Variants in DGKB observed in about 807,000 individuals in gnomAD.
DGKB encodes the protein 90 kDa diacylglycerol kinase.
A neutral mutation model predicts 114.3 loss-of-function variants in DGKB; 67 were observed. That is an observed-to-expected ratio of 0.59 (90% confidence interval 0.48 to 0.72). DGKB has a LOEUF of 0.72. DGKB is among the 30% of genes least tolerant of loss of function. DGKB has a pLI of 0.00. For synonymous variants in DGKB, 398 were observed against 323.1 expected (o/e 1.23, Z -2.49); for missense variants, 907 against 975.2 (o/e 0.93, Z 0.93).
intron 1 of DGKB, among the ~76,000 whole-genome samples, chr7:14,861,687 GT>G (rs1562749408): frequency 6.6e-6 from 1 of 151,810 alleles, no homozygotes; most frequent in Non-Finnish European, 1.5e-5. Context: ...GGCCTGGCCT[GT>G]TTTGAACTTT....
chr7:14,816,160 G>A (rs1043440116), intron 2 of DGKB, among the ~76,000 whole-genome samples: 12 of 152,006 alleles, frequency 7.9e-5, no homozygotes, highest in South Asian at 4.2e-4. Flanking sequence ...GTGAAATCCC[G>A]TCTCTACTAA....
chr7:14,286,273 T>C (rs1464700267), intron 23 of DGKB, among the ~76,000 whole-genome samples: 1 of 152,090 alleles, frequency 6.6e-6, no homozygotes, highest in Admixed American at 6.6e-5. Context: ...AAAATGTGCC[T>C]CACTGAGAGG....
At chr7:14,825,690 C>G (rs1406461759) in intron 2 of DGKB, among the ~76,000 whole-genome samples, 1 of 152,090 alleles carries the variant, frequency 6.6e-6, no homozygotes, top group African/African-American at 2.4e-5. Flanking sequence ...GGCCATGGTA[C>G]CAGTACAGGT....
chr7:14,285,793 C>A (rs1446482376), intron 23 of DGKB, among the ~76,000 whole-genome samples: 1 of 152,096 alleles, frequency 6.6e-6, no homozygotes, highest in African/African-American at 2.4e-5. Context: ...AGTTATGAGA[C>A]AAATCCATAT....
At chr7:14,401,526 A>G (rs1823098540) in intron 21 of DGKB, among the ~76,000 whole-genome samples, 1 of 151,820 alleles carries the variant, frequency 6.6e-6, no homozygotes, top group African/African-American at 2.4e-5. Context: ...TGTCTCATCA[A>G]TGTTTTGTTT....
At chr7:14,222,982 T>A (rs530920593) in intron 23 of DGKB, among the ~76,000 whole-genome samples, 1 of 151,840 alleles carries the variant, frequency 6.6e-6, no homozygotes, top group African/African-American at 2.4e-5. Context: ...GTTTGCATGA[T>A]CTGTCTTTCC....
At chr7:14,478,031 C>T in intron 21 of DGKB, 130 bp downstream of exon 21, 1 of 488,112 alleles carries the variant, frequency 2.0e-6, no homozygotes, top group Non-Finnish European at 3.6e-6. Context: ...TATTTACACA[C>T]ACACACACAC....
At position 14,659,405 on chromosome 7, in the gene DGKB, C is replaced by T. The variant is rs376629152; in HGVS notation, c.1134+13524G>A. ...CATTTGTTTGTATCCTCTTTTATTT[C>T]CTTGAGCAGTAGTTTGTAGTTCTCC... On this transcript the variant is annotated intron_variant, in intron 13 of 25. Transcript: ENST00000402815. Among the ~76,000 whole-genome samples, 6 of 151,934 alleles carry T rather than the reference C, an allele frequency of 3.9e-5. No homozygotes were observed. The East Asian group carries it at 1.2e-3, about 30-fold the overall frequency.
intron 23 of DGKB, among the ~76,000 whole-genome samples, chr7:14,321,472 C>T (rs1585123679): frequency 6.6e-6 from 1 of 151,476 alleles, no homozygotes; most frequent in East Asian, 1.9e-4. Flanking sequence ...TAAAAGTATA[C>T]AAGGAACATT....
At chr7:14,459,340 A>C (rs2128864592) in intron 21 of DGKB, among the ~76,000 whole-genome samples, 1 of 152,326 alleles carries the variant, frequency 6.6e-6, no homozygotes, top group Non-Finnish European at 1.5e-5. Flanking sequence ...AATGCAAGGA[A>C]GCAAAGAACC....
chr7:14,336,977 A>C (rs1285130869), intron 23 of DGKB, among the ~76,000 whole-genome samples: 1 of 152,178 alleles, frequency 6.6e-6, no homozygotes, highest in Non-Finnish European at 1.5e-5. Context: ...CCTGGAAATT[A>C]TTTTGTATAT....
At chr7:14,629,355 G>C (rs1809250036) in intron 14 of DGKB, among the ~76,000 whole-genome samples, 1 of 151,728 alleles carries the variant, frequency 6.6e-6, no homozygotes, top group Non-Finnish European at 1.5e-5. Context: ...GTATGTCTCT[G>C]GTTAAAAATG....
intron 20 of DGKB, among the ~76,000 whole-genome samples, chr7:14,487,610 A>C (rs1281602541): frequency 7.0e-6 from 1 of 142,788 alleles, no homozygotes; most frequent in Non-Finnish European, 1.5e-5. Context: ...TTGGAGACAG[A>C]ATCTCTCCCT....
At chr7:14,949,889 T>C (rs1017167899) in intron 1 of DGKB, among the ~76,000 whole-genome samples, 1 of 150,798 alleles carries the variant, frequency 6.6e-6, no homozygotes, top group Non-Finnish European at 1.5e-5. Flanking sequence ...ACTCATAGGT[T>C]GGAATTGAAC....
intron 4 of DGKB, among the ~76,000 whole-genome samples, chr7:14,743,516 C>T (rs1442481034): frequency 6.6e-6 from 1 of 152,054 alleles, no homozygotes; most frequent in Admixed American, 6.5e-5. Flanking sequence ...TTTCCTGACC[C>T]CTAGCTTTTG....
chr7:14,764,343 C>A (rs1836144169), intron 2 of DGKB, among the ~76,000 whole-genome samples: 1 of 151,732 alleles, frequency 6.6e-6, no homozygotes, highest in Non-Finnish European at 1.5e-5. Context: ...AATTGTTGTG[C>A]AGACAACATA....
chr7:14,900,049 T>A (rs1318572282), intron 1 of DGKB, among the ~76,000 whole-genome samples: 1 of 152,138 alleles, frequency 6.6e-6, no homozygotes, highest in African/African-American at 2.4e-5. Context: ...AGAGAGCATA[T>A]GTAAAGCTCT....
At chr7:14,729,186 C>A (rs1319804449) in intron 5 of DGKB, among the ~76,000 whole-genome samples, 8 of 145,378 alleles carry the variant, frequency 5.5e-5, no homozygotes, top group South Asian at 2.2e-4. Flanking sequence ...GCAGTGGCGC[C>A]ATCTCGGCTC....
At chr7:14,548,346 C>T (rs993470223) in intron 20 of DGKB, among the ~76,000 whole-genome samples, 2 of 152,176 alleles carry the variant, frequency 1.3e-5, no homozygotes, top group South Asian at 2.1e-4. Flanking sequence ...ATTAAGATTA[C>T]ATAAAGATAT....
Sources: gnomAD v4.1 joint callset for allele counts (sites outside exome capture counted in the v4.1 genomes callset) on GRCh38, gnomAD v4.1.1 for gene constraint, MANE v1.5 for transcripts, NCBI Gene and HGNC (gene_info 2026-07-23, HGNC 2026-07-21) for gene names.